Variants in GPC5 observed in about 807,000 individuals in gnomAD.
The protein encoded by GPC5 is glypican 5, also known as glypican-5.
A neutral mutation model predicts 53.9 loss-of-function variants in GPC5; 47 were observed. The ratio of observed to expected loss-of-function variants is 0.87; its 90% CI spans 0.69 to 1.11. The LOEUF (loss-of-function observed/expected upper bound fraction) is 1.11, where lower values mean the gene tolerates loss of function less well. Ranked by LOEUF, GPC5 falls within the 50% of genes most tolerant of loss-of-function variation. The probability of loss-of-function intolerance (pLI) is 0.00; values close to 1 mark genes in which losing one functional copy is unlikely to be tolerated. For missense variants in GPC5, 748 were observed against 713.1 expected (o/e 1.05, Z -0.56); for synonymous variants, 286 against 263.3 (o/e 1.09, Z -0.84).
intron 5 of GPC5, among the ~76,000 whole-genome samples, chr13:91,818,560 T>A (rs1000471316): frequency 1.3e-5 from 2 of 152,134 alleles, no homozygotes; most frequent in Non-Finnish European, 2.9e-5. Context: ...GAGAAAAATA[T>A]GATATAGAAA....
chr13:92,316,784 G>C (rs893326307), intron 7 of GPC5, among the ~76,000 whole-genome samples: 1 of 152,044 alleles, frequency 6.6e-6, no homozygotes, highest in African/African-American at 2.4e-5. Context: ...AATGAGAAAA[G>C]GGGTTCTGGG....
intron 6 of GPC5, among the ~76,000 whole-genome samples, chr13:92,112,495 T>C (rs936723280): frequency 6.6e-6 from 1 of 152,146 alleles, no homozygotes; most frequent in Admixed American, 6.5e-5. Context: ...AAATGCTAAA[T>C]TCTGTAAGAC....
chr13:92,468,901 G>C (rs9556180), intron 7 of GPC5, among the ~76,000 whole-genome samples: 45,049 of 151,990 alleles, frequency 0.3, 7,234 homozygotes, highest in East Asian at 0.42. Context: ...TCAGTACTCT[G>C]TCCAGGCATC....
At chr13:91,422,757 A>G (rs371636202) in intron 1 of GPC5, among the ~76,000 whole-genome samples, 35 of 152,332 alleles carry the variant, frequency 2.3e-4, no homozygotes, top group African/African-American at 7.7e-4. Flanking sequence ...GAGATGCTGC[A>G]GGTCATCACA....
intron 2 of GPC5, among the ~76,000 whole-genome samples, chr13:91,644,882 T>C (rs899608046): frequency 6.6e-6 from 1 of 152,238 alleles, no homozygotes; most frequent in Admixed American, 6.5e-5. Context: ...AAATGTGCTG[T>C]TTATTAGGGA....
At chr13:92,077,087 C>G (rs140867847) in intron 6 of GPC5, among the ~76,000 whole-genome samples, 1 of 152,140 alleles carries the variant, frequency 6.6e-6, no homozygotes, top group African/African-American at 2.4e-5. Flanking sequence ...GAAAGCCCCA[C>G]CCCCTGCTTT....
At chr13:91,545,962 T>G (rs1189500854) in intron 2 of GPC5, among the ~76,000 whole-genome samples, 1 of 152,148 alleles carries the variant, frequency 6.6e-6, no homozygotes, top group Non-Finnish European at 1.5e-5. Flanking sequence ...AATATTAACT[T>G]GGTGGCTTGT....
At chr13:91,742,434 T>A (rs2036955530) in intron 4 of GPC5, among the ~76,000 whole-genome samples, 1 of 152,216 alleles carries the variant, frequency 6.6e-6, no homozygotes, top group Non-Finnish European at 1.5e-5. Context: ...TCTTACTTTC[T>A]AGATGTTCAT....
At chr13:91,759,997 TA>T (rs978253632) in intron 5 of GPC5, among the ~76,000 whole-genome samples, 1 of 152,136 alleles carries the variant, frequency 6.6e-6, no homozygotes, top group African/African-American at 2.4e-5. Flanking sequence ...GACAAAGTAC[TA>T]GGGGGCAGGG....
At chr13:92,317,796 C>T (rs754268696) in intron 7 of GPC5, among the ~76,000 whole-genome samples, 1 of 152,084 alleles carries the variant, frequency 6.6e-6, no homozygotes, top group Non-Finnish European at 1.5e-5. Flanking sequence ...CCACCGCACC[C>T]GGCCCCTTTT....
At position 91,402,968 on chromosome 13, in the gene GPC5, C is replaced by T. The variant is rs189919582; in HGVS notation, c.163+3759C>T. ...GCTGCAATGCCCATAACCACTGTCTCCACTGCCACACCACCGTTCTTCTGT... is the reference window on the plus strand; with the variant it reads ...GCTGCAATGCCCATAACCACTGTCTTCACTGCCACACCACCGTTCTTCTGT... On this transcript the variant is annotated intron_variant, in intron 1 of 7. Transcript: ENST00000377067. 3.8e-3 allele frequency among the ~76,000 whole-genome samples: 579 copies of T among 152,322 alleles called. 8 individuals carry two copies. Among genetic ancestry groups the T allele is most frequent in the African/African-American group, 0.013 (545 of 41,556 alleles).
At chr13:91,587,615 G>A (rs2032647243) in intron 2 of GPC5, among the ~76,000 whole-genome samples, 1 of 151,936 alleles carries the variant, frequency 6.6e-6, no homozygotes. Context: ...ACATTTTACA[G>A]GTTTCTGTAG....
chr13:92,170,018 CA>C (rs1566467504), intron 7 of GPC5, among the ~76,000 whole-genome samples: 9 of 151,808 alleles, frequency 5.9e-5, no homozygotes, highest in African/African-American at 2.2e-4. Context: ...ATGGAATAAA[CA>C]GGAGAAATTT....
rs543596055 is a variant in GPC5, at chr13:91,833,299, G to A, written c.1281-74638G>A. Among the ~76,000 whole-genome samples the A allele has an allele frequency of 7.9e-5, 12 of 152,150 alleles. No homozygotes were observed. The East Asian group carries it at 1.9e-3, about 25-fold the overall frequency. ...CTCAAGACTGGATAGATTCACAGCC[G>A]AATTCTACCAGAGGTACAAAGAAGA... On this transcript the variant is annotated intron_variant, in intron 5 of 7. Transcript: ENST00000377067.
chr13:92,243,125 T>C (rs2042625794), intron 7 of GPC5, among the ~76,000 whole-genome samples: 1 of 152,216 alleles, frequency 6.6e-6, no homozygotes, highest in African/African-American at 2.4e-5. Context: ...AAGCCTGTAT[T>C]TGTTTGAGAC....
chr13:91,731,344 G>A (rs1052663428), intron 4 of GPC5, among the ~76,000 whole-genome samples: 1 of 152,130 alleles, frequency 6.6e-6, no homozygotes, highest in Non-Finnish European at 1.5e-5. Context: ...AAGTAGCGAG[G>A]TGTTAGGAAT....
chr13:91,866,002 G>C (rs1272340098), intron 5 of GPC5, among the ~76,000 whole-genome samples: 1 of 152,150 alleles, frequency 6.6e-6, no homozygotes, highest in Non-Finnish European at 1.5e-5. Flanking sequence ...CAAGTAGCTG[G>C]GATTATAGGC....
chr13:91,612,761 TTTTC>T (rs1320439227), intron 2 of GPC5, among the ~76,000 whole-genome samples: 3 of 152,294 alleles, frequency 2.0e-5, no homozygotes, highest in African/African-American at 7.2e-5. Flanking sequence ...CCCTAATTTA[TTTTC>T]TTTGTTAGTA....
At chr13:92,577,458 C>T (rs942559830) in intron 7 of GPC5, among the ~76,000 whole-genome samples, 6 of 99,994 alleles carry the variant, frequency 6.0e-5, no homozygotes, top group African/African-American at 1.8e-4. Flanking sequence ...GTGTCAATGA[C>T]CTTGAAAGTC....
Sources: allele counts gnomAD v4.1 joint callset (sites outside exome capture counted in the v4.1 genomes callset), GRCh38; gene constraint gnomAD v4.1.1; transcripts MANE v1.5; gene names NCBI Gene and HGNC (gene_info 2026-07-23, HGNC 2026-07-21).